Variants in GRIA4 observed in about 807,000 individuals in gnomAD.
The protein encoded by GRIA4 is glutamate ionotropic receptor AMPA type subunit 4.
A neutral mutation model predicts 104.0 loss-of-function variants in GRIA4; 34 were observed. The observed-to-expected ratio is 0.33, with a 90% CI of 0.25 to 0.44. GRIA4 has a LOEUF of 0.44. GRIA4 is among the 20% of genes least tolerant of loss of function. The pLI is 1.00. For synonymous variants in GRIA4, 386 were observed against 381.9 expected (o/e 1.01, Z -0.13); for missense variants, 750 against 1,096.5 (o/e 0.68, Z 4.46).
chr11:105,815,456 C>T (rs1261832975), intron 4 of GRIA4, among the ~76,000 whole-genome samples: 1 of 152,108 alleles, frequency 6.6e-6, no homozygotes, highest in African/African-American at 2.4e-5. Context: ...CTTCCCAGAG[C>T]CCTGCTATTC....
rs765255898 is a variant in GRIA4, at chr11:105,981,592, A to ACACACACACACACACAC, written c.*1853_*1854insCACACACACACACACAC. On this transcript the variant is annotated 3_prime_UTR_variant, in exon 17 of 17. Coordinates refer to ENST00000282499, the MANE Select transcript of GRIA4 (RefSeq NM_000829.4). ...ACACACACACACACACACACACACA[A>ACACACACACACACACAC]GTCCCTCAGGAAAAATTCCAAGCTC... The ACACACACACACACACAC allele has an allele frequency of 8.7e-5, 4 of 46,110 alleles. No homozygotes were observed. Among genetic ancestry groups the ACACACACACACACACAC allele is most frequent in the African/African-American group, 2.8e-4 (4 of 14,204 alleles). 2.9% of individuals were successfully genotyped at this position (46,110 alleles called of 1,614,324 possible).
Position 105,833,219 on chromosome 11 carries a change from G to C in GRIA4, c.488-28805G>C, listed in dbSNP as rs956015211. Reference sequence around the variant, plus strand: ...GTGTGAGAAACCATATAAGTTTCTTGGGTTACGATAGGGTTATTATCCAAA... The same window carrying C: ...GTGTGAGAAACCATATAAGTTTCTTCGGTTACGATAGGGTTATTATCCAAA... On this transcript the variant is annotated intron_variant, in intron 4 of 16. Transcript: ENST00000282499. 2.6e-5 allele frequency among the ~76,000 whole-genome samples: 4 copies of C among 151,988 alleles called. No homozygotes were observed. The South Asian group carries it at 8.3e-4, about 32-fold the overall frequency.
At chr11:105,696,695 T>G (rs1431950430) in intron 3 of GRIA4, among the ~76,000 whole-genome samples, 5 of 152,194 alleles carry the variant, frequency 3.3e-5, no homozygotes, top group Non-Finnish European at 7.3e-5. Context: ...TTTTAAGGTT[T>G]ATTTTATTCT....
At position 105,740,719 on chromosome 11, in the gene GRIA4, T is replaced by C. The variant is rs1007665429; in HGVS notation, c.248-12262T>C. ...CTCCCTGAGGAGTGGACAGTTTTGT[T>C]GAGAAAAGACTGGTGAGAAGTCCAA... is the stretch of plus-strand genomic sequence containing the variant. On this transcript the variant is annotated intron_variant, in intron 3 of 16. Coordinates refer to ENST00000282499, the MANE Select transcript of GRIA4 (RefSeq NM_000829.4). 7.9e-5 allele frequency among the ~76,000 whole-genome samples: 12 copies of C among 152,258 alleles called. 1 individual carries two copies. The highest frequency in any genetic ancestry group is 7.9e-4 in the Admixed American group (12 of 15,268).
intron 4 of GRIA4, among the ~76,000 whole-genome samples, chr11:105,809,126 A>C (rs1943069015): frequency 6.6e-6 from 1 of 152,130 alleles, no homozygotes; most frequent in South Asian, 2.1e-4. Flanking sequence ...AACTCTCTGT[A>C]CTGTCTTTGC....
chr11:105,908,309 CT>C (rs1258865439), intron 9 of GRIA4, among the ~76,000 whole-genome samples: 1 of 152,206 alleles, frequency 6.6e-6, no homozygotes, highest in Non-Finnish European at 1.5e-5. Context: ...TACAAAACCA[CT>C]TTTCACTCAC....
intron 4 of GRIA4, among the ~76,000 whole-genome samples, chr11:105,768,478 A>C (rs1941056045): frequency 6.6e-6 from 1 of 152,128 alleles, no homozygotes; most frequent in Non-Finnish European, 1.5e-5. Flanking sequence ...TACATATTTC[A>C]AGTTTTGGAA....
At chr11:105,892,488 C>T (rs1027043154) in intron 6 of GRIA4, among the ~76,000 whole-genome samples, 1 of 152,152 alleles carries the variant, frequency 6.6e-6, no homozygotes, top group African/African-American at 2.4e-5. Context: ...ACATATACCA[C>T]TCACGCCTCA....
chr11:105,609,999 C>T (rs1950430532), upstream of GRIA4: 4 of 152,738 alleles, frequency 2.6e-5, no homozygotes, highest in African/African-American at 9.6e-5. Context: ...TTGTCAGGCT[C>T]TCCAGATTCC....
At chr11:105,892,001 T>C (rs1170043141) in intron 6 of GRIA4, among the ~76,000 whole-genome samples, 1 of 152,064 alleles carries the variant, frequency 6.6e-6, no homozygotes, top group Non-Finnish European at 1.5e-5. Flanking sequence ...AGATTTTTAA[T>C]AGATACAAAA....
intron 3 of GRIA4, among the ~76,000 whole-genome samples, chr11:105,621,902 A>T (rs2135275127): frequency 6.6e-6 from 1 of 151,914 alleles, no homozygotes; most frequent in East Asian, 1.9e-4. Context: ...AAGGGTGAGG[A>T]TGATTTCTCA....
intron 3 of GRIA4, among the ~76,000 whole-genome samples, chr11:105,685,687 G>A (rs1354635260): frequency 2.6e-5 from 4 of 152,142 alleles, no homozygotes; most frequent in Admixed American, 2.6e-4. Flanking sequence ...GAAGTAGGAT[G>A]GAGGACATTC....
intron 3 of GRIA4, among the ~76,000 whole-genome samples, chr11:105,745,454 C>A (rs1302515015): frequency 6.6e-6 from 1 of 152,078 alleles, no homozygotes; most frequent in Non-Finnish European, 1.5e-5. Flanking sequence ...GTAATGGCCA[C>A]TTTGTAGAAG....
Position 105,898,181 on chromosome 11 carries a change from A to T in GRIA4, c.727-88A>T, listed in dbSNP as rs541849806. On this transcript the variant is annotated intron_variant, in intron 6 of 16. Transcript: ENST00000282499. ...ATTGCTTTATTAAAAATCTTTTAAT[A>T]TGTATAGGTTATTAATTTATGTTAC... 112 of 591,798 alleles carry T rather than the reference A, an allele frequency of 1.9e-4. 1 individual carries two copies. The African/African-American group carries it at 1.9e-3, about 10-fold the overall frequency. The allele number at this position is 591,798 out of a possible 1,614,324, so 36.7% of individuals were successfully genotyped here. A position where few individuals can be genotyped will look rare whatever the true frequency, so the allele number is the denominator to read the frequency against.
intron 3 of GRIA4, among the ~76,000 whole-genome samples, chr11:105,720,827 G>T (rs1262218608): frequency 2.0e-5 from 3 of 152,176 alleles, no homozygotes; most frequent in Non-Finnish European, 4.4e-5. Context: ...AGACCAATTG[G>T]CTGCTCATTC....
chr11:105,802,774 T>TG (rs1942776753), intron 4 of GRIA4, among the ~76,000 whole-genome samples: 1 of 78,154 alleles, frequency 1.3e-5, no homozygotes, highest in Non-Finnish European at 2.5e-5. Flanking sequence ...ATTATGTCAT[T>TG]GAAAAAAACA....
At chr11:105,645,436 C>G (rs948867595) in intron 3 of GRIA4, among the ~76,000 whole-genome samples, 4 of 152,142 alleles carry the variant, frequency 2.6e-5, no homozygotes, top group African/African-American at 4.8e-5. Flanking sequence ...CCAAATAAAG[C>G]AACAAGTTCA....
chr11:105,873,955 C>T (rs1945719391), intron 5 of GRIA4, among the ~76,000 whole-genome samples: 1 of 152,050 alleles, frequency 6.6e-6, no homozygotes, highest in African/African-American at 2.4e-5. Flanking sequence ...CTTTTGTTGC[C>T]ATTGCTTTTG....
chr11:105,799,640 C>G (rs895568861), intron 4 of GRIA4, among the ~76,000 whole-genome samples: 1 of 151,890 alleles, frequency 6.6e-6, no homozygotes, highest in Non-Finnish European at 1.5e-5. Flanking sequence ...TATTTAGTTA[C>G]TGTGTGGAAT....
Sources: gnomAD v4.1 joint callset for allele counts (sites outside exome capture counted in the v4.1 genomes callset) on GRCh38, gnomAD v4.1.1 for gene constraint, MANE v1.5 for transcripts, NCBI Gene and HGNC (gene_info 2026-07-23, HGNC 2026-07-21) for gene names.